The following GALNT13 variants were observed in gnomAD, a reference collection of about 807,000 sequenced individuals.
The protein encoded by GALNT13 is UDP-GalNAc:polypeptide N-acetylgalactosaminyltransferase 13.
A neutral mutation model predicts 64.2 loss-of-function variants in GALNT13; 28 were observed. The ratio of observed to expected loss-of-function variants is 0.44; its 90% CI spans 0.32 to 0.60. The LOEUF (loss-of-function observed/expected upper bound fraction) is 0.60. Ranked by LOEUF, GALNT13 falls within the 20% of genes least tolerant of loss-of-function variation. GALNT13 has a pLI of 0.05. For synonymous variants in GALNT13, 214 were observed against 224.6 expected, an observed-to-expected ratio of 0.95 and a Z score of 0.42; for missense variants, 577 against 669.8, an observed-to-expected ratio of 0.86 and a Z score of 1.53.
At chr2:153,676,156 A>T in the GALNT13 span, among the ~76,000 whole-genome samples, 2 of 152,138 alleles carry the variant, frequency 1.3e-5, no homozygotes, top group Non-Finnish European at 2.9e-5. Flanking sequence ...AACCAAGTAA[A>T]CACAATCATA....
intron 1 of GALNT13, among the ~76,000 whole-genome samples, chr2:153,878,077 A>C (rs772741038): frequency 2.0e-5 from 3 of 152,188 alleles, no homozygotes; most frequent in Non-Finnish European, 4.4e-5. Flanking sequence ...TGATAATTTA[A>C]AAAAATCAAG....
At chr2:153,628,381 T>C in the GALNT13 span, among the ~76,000 whole-genome samples, 1 of 152,080 alleles carries the variant, frequency 6.6e-6, no homozygotes, top group African/African-American at 2.4e-5. Context: ...TCCAACACTA[T>C]GTTGAATAGG....
intron 2 of GALNT13, among the ~76,000 whole-genome samples, chr2:153,942,695 A>G (rs1312735861): frequency 6.6e-6 from 1 of 151,992 alleles, no homozygotes. Flanking sequence ...TCTCCATTAT[A>G]TATATATATA....
At chr2:153,572,597 G>A in the GALNT13 span, among the ~76,000 whole-genome samples, 2 of 151,570 alleles carry the variant, frequency 1.3e-5, no homozygotes, top group African/African-American at 4.8e-5. Flanking sequence ...GCTTCCCTCC[G>A]AGTATTGCTT....
chr2:153,649,008 T>G, the GALNT13 span, among the ~76,000 whole-genome samples: 4 of 152,200 alleles, frequency 2.6e-5, no homozygotes, highest in Non-Finnish European at 4.4e-5. Flanking sequence ...TTCCCTCTTT[T>G]TCTGTTGATT....
At chr2:153,478,873 G>GGCGGCTGCA in the GALNT13 span, 4 of 353,662 alleles carry the variant, frequency 1.1e-5, no homozygotes, top group Non-Finnish European at 2.1e-5. Flanking sequence ...TGCGGGCCGC[G>GGCGGCTGCA]GCGGCTGCAG....
intron 2 of GALNT13, among the ~76,000 whole-genome samples, chr2:153,922,274 T>C (rs1689812552): frequency 6.6e-6 from 1 of 152,144 alleles, no homozygotes; most frequent in Admixed American, 6.6e-5. Flanking sequence ...ATAGATAAGA[T>C]ACTTTGAACT....
the GALNT13 span, among the ~76,000 whole-genome samples, chr2:153,415,916 G>A: frequency 4.3e-3 from 662 of 152,256 alleles, 3 homozygotes; most frequent in African/African-American, 0.015. Context: ...ACAAGATGAA[G>A]TGAAAAGAAA....
the GALNT13 span, among the ~76,000 whole-genome samples, chr2:153,640,648 G>T: frequency 2.0e-5 from 3 of 152,030 alleles, no homozygotes; most frequent in Admixed American, 2.0e-4. Context: ...TGAGTGTGGT[G>T]GCACACGACT....
the GALNT13 span, among the ~76,000 whole-genome samples, chr2:153,744,186 T>C: frequency 6.6e-6 from 1 of 152,200 alleles, no homozygotes; most frequent in African/African-American, 2.4e-5. Flanking sequence ...CTTTTGGGTA[T>C]ATGCCCAGCA....
rs75629034 is a variant in GALNT13, at chr2:154,405,333, A to G, written c.1297-3651A>G. ...TTTTAGAAAAGAAAAAGGAGCAACT[A>G]AAAATATAAAAATTGGAAACTAAAT... On this transcript the variant is annotated intron_variant, in intron 10 of 12. Transcript: ENST00000392825. Among the ~76,000 whole-genome samples, 720 of 152,242 alleles carry G rather than the reference A, an allele frequency of 4.7e-3. 8 individuals carry two copies. The highest frequency in any genetic ancestry group is 0.017 in the African/African-American group (700 of 41,554).
At chr2:153,296,178 G>C in the GALNT13 span, among the ~76,000 whole-genome samples, 4 of 152,070 alleles carry the variant, frequency 2.6e-5, no homozygotes, top group Non-Finnish European at 4.4e-5. Flanking sequence ...ATTAAGAACT[G>C]AAACTTGAGG....
At chr2:153,391,687 G>A in the GALNT13 span, among the ~76,000 whole-genome samples, 1 of 151,942 alleles carries the variant, frequency 6.6e-6, no homozygotes, top group Admixed American at 6.6e-5. Flanking sequence ...GATAGAGTAT[G>A]AACTTGATGC....
At chr2:154,174,135 T>C (rs1173270465) in intron 4 of GALNT13, among the ~76,000 whole-genome samples, 3 of 152,176 alleles carry the variant, frequency 2.0e-5, no homozygotes, top group Non-Finnish European at 4.4e-5. Flanking sequence ...ATTTTCTTGA[T>C]TTGTTGTTTG....
chr2:153,413,834 A>G, the GALNT13 span, among the ~76,000 whole-genome samples: 1 of 152,224 alleles, frequency 6.6e-6, no homozygotes, highest in East Asian at 1.9e-4. Flanking sequence ...GAGTCTCAGT[A>G]TAGACATTTT....
the GALNT13 span, among the ~76,000 whole-genome samples, chr2:153,079,847 C>T: frequency 3.9e-4 from 59 of 152,194 alleles, no homozygotes; most frequent in Middle Eastern, 3.4e-3. Context: ...TTAAAGGATG[C>T]GCTGCGCTAT....
At chr2:153,294,948 T>C in the GALNT13 span, among the ~76,000 whole-genome samples, 1 of 152,168 alleles carries the variant, frequency 6.6e-6, no homozygotes, top group East Asian at 1.9e-4. Flanking sequence ...AAAGATCTTA[T>C]TGGACTGTGA....
chr2:153,709,701 T>G, the GALNT13 span, among the ~76,000 whole-genome samples: 1 of 152,046 alleles, frequency 6.6e-6, no homozygotes, highest in Admixed American at 6.6e-5. Flanking sequence ...CTATGTTCAT[T>G]GCAGCTCCAT....
intron 4 of GALNT13, among the ~76,000 whole-genome samples, chr2:154,175,730 A>G (rs1685610162): frequency 6.6e-6 from 1 of 152,180 alleles, no homozygotes. Context: ...GTAGGGTAAT[A>G]TATACTGGAA....
Sources: allele counts gnomAD v4.1 joint callset (sites outside exome capture counted in the v4.1 genomes callset), GRCh38; gene constraint gnomAD v4.1.1; transcripts MANE v1.5; gene names NCBI Gene and HGNC (gene_info 2026-07-23, HGNC 2026-07-21).